The following KLF8 variants were observed in gnomAD, a reference collection of about 807,000 sequenced individuals.
KLF8 encodes the protein KLF transcription factor 8.
KLF8 carries 10 observed loss-of-function variants against 18.2 expected under a neutral mutation model. That is an observed-to-expected ratio of 0.55 (90% confidence interval 0.34 to 0.93). The LOEUF (loss-of-function observed/expected upper bound fraction) is 0.93. Among genes scored for constraint, KLF8 ranks in the 40% least tolerant of loss-of-function variants. The probability of loss-of-function intolerance (pLI) is 0.02; values close to 1 mark genes in which losing one functional copy is unlikely to be tolerated. For missense variants in KLF8, 264 were observed against 277.9 expected (o/e 0.95, Z 0.36); for synonymous variants, 109 against 97.3 (o/e 1.12, Z -0.71).
chrX:56,067,949 A>G, the KLF8 span, among the ~76,000 whole-genome samples: 48 of 112,348 alleles, frequency 4.3e-4, no homozygotes, highest in African/African-American at 1.5e-3. Flanking sequence ...ACCAGCTTCT[A>G]GCCTAGCGGT....
chrX:56,074,323 T>C, the KLF8 span, among the ~76,000 whole-genome samples: 1 of 111,783 alleles, frequency 8.9e-6, no homozygotes, highest in African/African-American at 3.2e-5. Flanking sequence ...TTCCTTTTTT[T>C]GCCTTTTGTC....
At chrX:56,091,366 C>T in the KLF8 span, among the ~76,000 whole-genome samples, 4 of 111,169 alleles carry the variant, frequency 3.6e-5, no homozygotes, top group South Asian at 1.2e-3. Context: ...CCTCCCCAGC[C>T]GTGTGGAACT....
chrX:56,199,017 T>C, the KLF8 span, among the ~76,000 whole-genome samples: 7 of 111,712 alleles, frequency 6.3e-5, no homozygotes, highest in Non-Finnish European at 7.5e-5. Context: ...TAAATGGTGC[T>C]GGGAAAACTG....
the KLF8 span, among the ~76,000 whole-genome samples, chrX:55,996,364 T>G: frequency 1.8e-5 from 2 of 112,237 alleles, no homozygotes; most frequent in African/African-American, 3.2e-5. Flanking sequence ...ATGGTTGTCA[T>G]TCCAGACATT....
At chrX:56,181,825 G>A in the KLF8 span, among the ~76,000 whole-genome samples, 1 of 103,842 alleles carries the variant, frequency 9.6e-6, no homozygotes, top group Admixed American at 1.0e-4. Context: ...TCTGCCAAGA[G>A]ATCCACAGTC....
At chrX:56,276,960 T>G (rs182291668) in intron 5 of KLF8, among the ~76,000 whole-genome samples, 76 of 112,090 alleles carry the variant, frequency 6.8e-4, no homozygotes, top group Non-Finnish European at 1.2e-3. Flanking sequence ...CTCCTCTCTA[T>G]GCATTTTCAA....
chrX:56,227,318 T>A, the KLF8 span, among the ~76,000 whole-genome samples: 1 of 109,237 alleles, frequency 9.2e-6, no homozygotes, highest in East Asian at 2.9e-4. Flanking sequence ...CTCATATATT[T>A]ATTTGTTTAA....
At chrX:56,265,820 T>C in intron 3 of KLF8, 76 bp downstream of exon 3, 1 of 1,115,751 alleles carries the variant, frequency 9.0e-7, no homozygotes, top group South Asian at 2.2e-5. Context: ...TCCTGTCTCT[T>C]TTCACTTCCT....
chrX:56,192,951 A>T, the KLF8 span, among the ~76,000 whole-genome samples: 5 of 112,530 alleles, frequency 4.4e-5, no homozygotes, highest in Non-Finnish European at 9.4e-5. Context: ...ACAGGTAACC[A>T]AAGCAAAAAT....
At chrX:55,999,578 A>T in the KLF8 span, among the ~76,000 whole-genome samples, 2 of 109,484 alleles carry the variant, frequency 1.8e-5, no homozygotes, top group African/African-American at 6.6e-5. Context: ...ATTTTTAGAT[A>T]TTTTATTTTT....
At chrX:56,100,629 G>A in the KLF8 span, among the ~76,000 whole-genome samples, 2 of 111,511 alleles carry the variant, frequency 1.8e-5, no homozygotes, top group African/African-American at 6.5e-5. Flanking sequence ...ATTAACAGGA[G>A]TTTGGAAGAA....
At chrX:56,187,912 G>A in the KLF8 span, among the ~76,000 whole-genome samples, 19 of 111,801 alleles carry the variant, frequency 1.7e-4, no homozygotes, top group African/African-American at 5.5e-4. Context: ...TCCACAGCCA[G>A]TATCATACTG....
At chrX:56,109,394 C>CA in the KLF8 span, among the ~76,000 whole-genome samples, 704 of 71,934 alleles carry the variant, frequency 9.8e-3, 7 homozygotes, top group South Asian at 0.026. Context: ...AACTCTATCT[C>CA]AAAAAAAAAA....
the KLF8 span, among the ~76,000 whole-genome samples, chrX:55,942,591 A>G: frequency 8.9e-6 from 1 of 112,053 alleles, no homozygotes. Flanking sequence ...TATGGTCACT[A>G]TTACAATGAA....
the KLF8 span, among the ~76,000 whole-genome samples, chrX:56,006,701 C>T: frequency 8.9e-6 from 1 of 112,411 alleles, no homozygotes; most frequent in Non-Finnish European, 1.9e-5. Flanking sequence ...TATTTTTGCT[C>T]TTGAGTTTTT....
chrX:56,112,032 C>T, the KLF8 span, among the ~76,000 whole-genome samples: 4 of 111,561 alleles, frequency 3.6e-5, no homozygotes, highest in Non-Finnish European at 7.5e-5. Context: ...CATATGCACA[C>T]GTATGTTTAT....
At chrX:56,191,089 A>G in the KLF8 span, among the ~76,000 whole-genome samples, 2 of 112,089 alleles carry the variant, frequency 1.8e-5, no homozygotes, top group South Asian at 3.6e-4. Flanking sequence ...AACAAAAAAG[A>G]GATCCAAATA....
the KLF8 span, among the ~76,000 whole-genome samples, chrX:56,157,786 A>G: frequency 5.4e-5 from 6 of 111,628 alleles, no homozygotes; most frequent in African/African-American, 9.8e-5. Context: ...GATTCTGGAT[A>G]TTAGCCCTTT....
At chrX:56,158,862 A>G in the KLF8 span, among the ~76,000 whole-genome samples, 1 of 111,307 alleles carries the variant, frequency 9.0e-6, no homozygotes, top group Non-Finnish European at 1.9e-5. Flanking sequence ...TCTTTTCCTA[A>G]TTGAATACCA....
Sources: gnomAD v4.1 joint callset for allele counts (sites outside exome capture counted in the v4.1 genomes callset) on GRCh38, gnomAD v4.1.1 for gene constraint, MANE v1.5 for transcripts, NCBI Gene and HGNC (gene_info 2026-07-23, HGNC 2026-07-21) for gene names.